Variants in RPS6KB1 observed in about 807,000 individuals in gnomAD.
The protein encoded by RPS6KB1 is ribosomal protein S6 kinase B1, also known as ribosomal protein S6 kinase beta-1.
Under a neutral mutation model 70.2 loss-of-function variants are expected in RPS6KB1, and 12 were observed. The observed-to-expected ratio is 0.17, with a 90% CI of 0.11 to 0.28. The LOEUF (loss-of-function observed/expected upper bound fraction) is 0.28, where lower values mean the gene tolerates loss of function less well. RPS6KB1 is among the 10% of genes least tolerant of loss of function. The pLI is 1.00. For missense variants in RPS6KB1, 270 were observed against 646.6 expected, an observed-to-expected ratio of 0.42 and a Z score of 6.32; for synonymous variants, 175 against 211.2, an observed-to-expected ratio of 0.83 and a Z score of 1.49.
intron 13 of RPS6KB1, among the ~76,000 whole-genome samples, chr17:59,944,017 T>C (rs1367338391): frequency 6.6e-6 from 1 of 151,980 alleles, no homozygotes; most frequent in African/African-American, 2.4e-5. Context: ...TAATTCCTGT[T>C]GTAAGACCCC....
At chr17:59,929,841 T>C (rs904796945) in intron 5 of RPS6KB1, among the ~76,000 whole-genome samples, 5 of 152,216 alleles carry the variant, frequency 3.3e-5, no homozygotes, top group African/African-American at 7.2e-5. Flanking sequence ...AGGTCTGGAA[T>C]CTACAGATAT....
chr17:59,950,487 T>C lies in RPS6KB1; in HGVS notation c.*3699T>C, dbSNP rs546644438. 2 of 135,206 alleles carry C rather than the reference T, an allele frequency of 1.5e-5. No individual in the cohort carries two copies. Among genetic ancestry groups the C allele is most frequent in the African/African-American group, 6.0e-5 (2 of 33,414 alleles). 8.4% of individuals were successfully genotyped at this position (135,206 alleles called of 1,614,324 possible). Reference sequence around the variant, plus strand: ...GGAAGGAATTAGTATACGTATCAGGTGTATAAATGGTTTAAATTTATTTTA... The same window carrying C: ...GGAAGGAATTAGTATACGTATCAGGCGTATAAATGGTTTAAATTTATTTTA... On this transcript the variant is annotated 3_prime_UTR_variant, in exon 15 of 15. Transcript: ENST00000225577.
chr17:59,911,312 T>C (rs1227425694), intron 2 of RPS6KB1, among the ~76,000 whole-genome samples: 1 of 152,186 alleles, frequency 6.6e-6, no homozygotes, highest in African/African-American at 2.4e-5. Context: ...AGATCACTCA[T>C]GTAGAAAGCA....
intron 1 of RPS6KB1, among the ~76,000 whole-genome samples, chr17:59,905,287 C>T (rs7213754): frequency 1.2e-3 from 183 of 151,898 alleles, no homozygotes; most frequent in African/African-American, 4.3e-3. Context: ...GGATTACAAG[C>T]ATTAGCCGCT....
At position 59,912,725 on chromosome 17, in the gene RPS6KB1, G is replaced by A. The variant is rs756820769; in HGVS notation, c.233G>A (p.Ser78Asn). The change falls in exon 3 of 15, where the codon AGT becomes AAT. Residue 78 changes from serine (S) to asparagine (N), a missense_variant. Ser to Asn is a conservative substitution (Grantham distance 46). Transcript: ENST00000225577. Reference sequence around the variant, plus strand: ...GAGAAATTTGAAATCTCAGAAACTAGTGTGAACAGAGGGCCAGAAAAAATC... The same window carrying A: ...GAGAAATTTGAAATCTCAGAAACTAATGTGAACAGAGGGCCAGAAAAAATC... ...HCEKFEISETSVNRGPEKIRP... is the reference protein window; with the variant it reads ...HCEKFEISETNVNRGPEKIRP... 3 of 1,613,982 alleles carry A rather than the reference G, an allele frequency of 1.9e-6. No homozygotes were observed. The highest frequency in any genetic ancestry group is 3.3e-5 in the Admixed American group (2 of 60,000).
intron 4 of RPS6KB1, among the ~76,000 whole-genome samples, chr17:59,923,894 C>T (rs2043430089): frequency 6.6e-6 from 1 of 152,112 alleles, no homozygotes; most frequent in Admixed American, 6.5e-5. Flanking sequence ...CTCATTTGTT[C>T]AGTTGTACAA....
chr17:59,923,860 A>T (rs2043427399), intron 4 of RPS6KB1, among the ~76,000 whole-genome samples: 1 of 152,120 alleles, frequency 6.6e-6, no homozygotes, highest in African/African-American at 2.4e-5. Flanking sequence ...CAGTGAGAAG[A>T]ACTCTGGTAA....
intron 4 of RPS6KB1, among the ~76,000 whole-genome samples, chr17:59,915,576 C>T: frequency 6.6e-6 from 1 of 151,758 alleles, no homozygotes; most frequent in Non-Finnish European, 1.5e-5. Context: ...AGTGATTCTC[C>T]TGCCCTAGCC....
At chr17:59,919,713 G>A (rs977576027) in intron 4 of RPS6KB1, among the ~76,000 whole-genome samples, 4 of 151,038 alleles carry the variant, frequency 2.6e-5, no homozygotes, top group East Asian at 3.9e-4. Flanking sequence ...TTAGTTCTTC[G>A]ACTTAGTATG....
chr17:59,925,603 T>G (rs920008802), intron 4 of RPS6KB1, among the ~76,000 whole-genome samples: 5 of 152,134 alleles, frequency 3.3e-5, no homozygotes, highest in Non-Finnish European at 7.4e-5. Flanking sequence ...TAGATGTGTC[T>G]TTCATAAAGC....
At chr17:59,905,508 AT>A (rs796408273) in intron 1 of RPS6KB1, among the ~76,000 whole-genome samples, 230 of 140,866 alleles carry the variant, frequency 1.6e-3, no homozygotes, top group Admixed American at 1.8e-3. Context: ...TTTTGGGAGG[AT>A]TTTTTTTTTT....
intron 1 of RPS6KB1, among the ~76,000 whole-genome samples, chr17:59,902,541 A>G (rs543663887): frequency 6.7e-6 from 1 of 148,418 alleles, no homozygotes; most frequent in African/African-American, 2.5e-5. Flanking sequence ...ATTCATTCAG[A>G]TGTTCAACTG....
chr17:59,923,097 C>T (rs2043377285), intron 4 of RPS6KB1, among the ~76,000 whole-genome samples: 2 of 151,436 alleles, frequency 1.3e-5, no homozygotes, highest in Non-Finnish European at 2.9e-5. Context: ...CTCCTGACCT[C>T]ATGATCTGCC....
chr17:59,915,224 A>G (rs376599360), intron 4 of RPS6KB1, among the ~76,000 whole-genome samples: 1 of 151,962 alleles, frequency 6.6e-6, no homozygotes, highest in African/African-American at 2.4e-5. Context: ...TCCTGACCTC[A>G]GTGATCCACC....
intron 1 of RPS6KB1, among the ~76,000 whole-genome samples, chr17:59,904,916 C>T (rs1310106437): frequency 2.6e-5 from 4 of 151,922 alleles, no homozygotes; most frequent in African/African-American, 7.3e-5. Context: ...AGGCTGGTCT[C>T]GAACTCCTGA....
intron 13 of RPS6KB1, among the ~76,000 whole-genome samples, chr17:59,942,395 G>A (rs1191762202): frequency 6.6e-6 from 1 of 152,218 alleles, no homozygotes; most frequent in Non-Finnish European, 1.5e-5. Flanking sequence ...TTGGCCAACA[G>A]AAATGATGGA....
intron 4 of RPS6KB1, among the ~76,000 whole-genome samples, chr17:59,923,710 A>C (rs1441475655): frequency 6.6e-6 from 1 of 151,506 alleles, no homozygotes; most frequent in Non-Finnish European, 1.5e-5. Flanking sequence ...GGGTTTCATC[A>C]TCTTGGCCAG....
chr17:59,910,953 T>C (rs1408004928), intron 2 of RPS6KB1, among the ~76,000 whole-genome samples: 11 of 152,182 alleles, frequency 7.2e-5, no homozygotes, highest in Non-Finnish European at 1.5e-5. Flanking sequence ...TGCTTAAATA[T>C]ACAAACAGAA....
chr17:59,908,673 C>A (rs1325995119), intron 1 of RPS6KB1, among the ~76,000 whole-genome samples: 1 of 126,168 alleles, frequency 7.9e-6, no homozygotes, highest in Non-Finnish European at 1.6e-5. Context: ...GGCTGGAGTG[C>A]AGTGGCGCGA....
Sources: allele counts gnomAD v4.1 joint callset (sites outside exome capture counted in the v4.1 genomes callset), GRCh38; gene constraint gnomAD v4.1.1; transcripts MANE v1.5; gene names NCBI Gene and HGNC (gene_info 2026-07-23, HGNC 2026-07-21).